PALM2AKAP2: variants seen among roughly 807,000 people sequenced by gnomAD.
PALM2AKAP2 encodes PALM2 and AKAP2 fusion.
A neutral mutation model predicts 71.5 loss-of-function variants in PALM2AKAP2; 37 were observed. The ratio of observed to expected loss-of-function variants is 0.52; its 90% confidence interval spans 0.40 to 0.68. The LOEUF (loss-of-function observed/expected upper bound fraction) is 0.68, where lower values mean the gene tolerates loss of function less well. Ranked by LOEUF, PALM2AKAP2 falls within the 30% of genes least tolerant of loss-of-function variation. The pLI, the probability that PALM2AKAP2 is intolerant of heterozygous loss-of-function variation, is 0.00. For missense variants in PALM2AKAP2, 1,224 were observed against 1,191.8 expected (o/e 1.03, Z -0.40); for synonymous variants, 468 against 478.8 (o/e 0.98, Z 0.29).
intron 1 of PALM2AKAP2, among the ~76,000 whole-genome samples, chr9:109,849,192 C>G (rs1462445192): frequency 6.6e-6 from 1 of 152,134 alleles, no homozygotes; most frequent in Non-Finnish European, 1.5e-5. Context: ...TAGTGATTAC[C>G]TGTGGCACTG....
At chr9:109,813,310 GC>G (rs1827770659) in intron 1 of PALM2AKAP2, among the ~76,000 whole-genome samples, 1 of 152,176 alleles carries the variant, frequency 6.6e-6, no homozygotes, top group Non-Finnish European at 1.5e-5. Context: ...TTCTCAGCTT[GC>G]CCTAATGAAT....
At chr9:109,871,958 T>G (rs1209032354) in intron 2 of PALM2AKAP2, among the ~76,000 whole-genome samples, 1 of 152,210 alleles carries the variant, frequency 6.6e-6, no homozygotes, top group Non-Finnish European at 1.5e-5. Flanking sequence ...ACTTTACTTT[T>G]TACTGATGCT....
At chr9:109,953,631 A>T (rs530707154) in intron 6 of PALM2AKAP2, among the ~76,000 whole-genome samples, 8 of 152,020 alleles carry the variant, frequency 5.3e-5, no homozygotes, top group Non-Finnish European at 1.5e-5. Flanking sequence ...AGGTCGGAAG[A>T]TAGAGACCAT....
intron 7 of PALM2AKAP2, among the ~76,000 whole-genome samples, chr9:110,037,605 T>C (rs1833436833): frequency 6.6e-6 from 1 of 152,284 alleles, no homozygotes; most frequent in Non-Finnish European, 1.5e-5. Context: ...AGATTACACT[T>C]CAGTAGGGTG....
At chr9:110,088,574 G>A (rs1225626871) in intron 1 of PALM2AKAP2, among the ~76,000 whole-genome samples, 1 of 151,994 alleles carries the variant, frequency 6.6e-6, no homozygotes, top group Non-Finnish European at 1.5e-5. Context: ...TTCAGTTCTA[G>A]GTAGTCAGCG....
At chr9:110,139,793 A>T (rs10980218) in intron 2 of PALM2AKAP2, among the ~76,000 whole-genome samples, 1 of 151,996 alleles carries the variant, frequency 6.6e-6, no homozygotes, top group African/African-American at 2.4e-5. Flanking sequence ...GTAAATTGCC[A>T]ACATGATGCC....
intron 1 of PALM2AKAP2, among the ~76,000 whole-genome samples, chr9:109,652,493 C>T (rs1018478187): frequency 6.6e-6 from 1 of 152,200 alleles, no homozygotes; most frequent in African/African-American, 2.4e-5. Context: ...CTTGAACAGT[C>T]TGCAGAACTG....
intron 1 of PALM2AKAP2, among the ~76,000 whole-genome samples, chr9:110,098,041 A>G (rs1318683777): frequency 4.1e-5 from 6 of 145,086 alleles, no homozygotes; most frequent in Non-Finnish European, 9.0e-5. Flanking sequence ...CGTGCCTGCA[A>G]TCGCAGGCAC....
chr9:109,907,656 G>A (rs761443429), intron 3 of PALM2AKAP2, among the ~76,000 whole-genome samples: 38 of 152,196 alleles, frequency 2.5e-4, no homozygotes, highest in Admixed American at 5.2e-4. Flanking sequence ...CAACCCATGT[G>A]GAGGAGCTTC....
intron 1 of PALM2AKAP2, among the ~76,000 whole-genome samples, chr9:110,068,511 G>GA (rs1437217588): frequency 5.4e-5 from 6 of 110,930 alleles, no homozygotes. Flanking sequence ...CAAAATTGGA[G>GA]CTTTTTTAAA....
Position 109,729,723 on chromosome 9 carries a change from G to T in PALM2AKAP2, c.6-50765G>T, listed in dbSNP as rs144960640. ...TGCATATTCTCCCAGAATGCAGGAT[G>T]GTTCCTAGGCTAGGGTTTGGTATCT... On this transcript the variant is annotated intron_variant, in intron 1 of 6. Transcript: ENST00000374531. 7.9e-3 allele frequency among the ~76,000 whole-genome samples: 1,209 copies of T among 152,240 alleles called. 20 individuals are homozygous for T. Among genetic ancestry groups the T allele is most frequent in the African/African-American group, 0.028 (1,156 of 41,546 alleles).
At chr9:109,979,360 C>G (rs1187869860) in intron 6 of PALM2AKAP2, among the ~76,000 whole-genome samples, 1 of 152,168 alleles carries the variant, frequency 6.6e-6, no homozygotes, top group Non-Finnish European at 1.5e-5. Flanking sequence ...GCTCTCAAGC[C>G]CCGCCTGTCT....
intron 1 of PALM2AKAP2, among the ~76,000 whole-genome samples, chr9:109,863,241 T>A (rs1234730330): frequency 6.6e-6 from 1 of 152,026 alleles, no homozygotes; most frequent in African/African-American, 2.4e-5. Context: ...AGGTAGGAGA[T>A]GAAGGAAGGA....
intron 1 of PALM2AKAP2, among the ~76,000 whole-genome samples, chr9:109,654,236 T>C (rs979473880): frequency 2.6e-5 from 4 of 152,212 alleles, no homozygotes; most frequent in African/African-American, 9.6e-5. Context: ...GAATATGATG[T>C]GTTAGGCCCA....
intron 7 of PALM2AKAP2, 119 bp downstream of exon 7, chr9:110,016,158 C>CTACT: frequency 9.9e-7 from 1 of 1,005,106 alleles, no homozygotes; most frequent in Non-Finnish European, 1.5e-6. Flanking sequence ...AGTTCTCTCT[C>CTACT]TACTCACTGA....
chr9:110,126,688 A>C (rs1835613036), intron 1 of PALM2AKAP2, among the ~76,000 whole-genome samples: 1 of 152,166 alleles, frequency 6.6e-6, no homozygotes, highest in African/African-American at 2.4e-5. Context: ...GGAAAGAAAC[A>C]ACCCTTTCAT....
chr9:109,984,040 G>T (rs972831160), intron 6 of PALM2AKAP2, among the ~76,000 whole-genome samples: 3 of 152,138 alleles, frequency 2.0e-5, no homozygotes, highest in African/African-American at 7.2e-5. Context: ...AAATAGTTCT[G>T]ATGAGATGCT....
At chr9:109,649,021 G>GA (rs1011016239) in intron 1 of PALM2AKAP2, among the ~76,000 whole-genome samples, 4 of 151,966 alleles carry the variant, frequency 2.6e-5, no homozygotes, top group African/African-American at 9.7e-5. Context: ...CTTCTTTGTA[G>GA]ATGGCTTGCC....
chr9:110,104,155 A>G (rs998684945), intron 1 of PALM2AKAP2, among the ~76,000 whole-genome samples: 2 of 117,468 alleles, frequency 1.7e-5, no homozygotes, highest in African/African-American at 3.4e-5. Context: ...ACAGCCTAGG[A>G]AACTTACAAG....
Sources: allele counts gnomAD v4.1 joint callset (sites outside exome capture counted in the v4.1 genomes callset), GRCh38; gene constraint gnomAD v4.1.1; transcripts MANE v1.5; gene names NCBI Gene and HGNC (gene_info 2026-07-23, HGNC 2026-07-21).